ZNF493: variants seen among roughly 807,000 people sequenced by gnomAD.
ZNF493 encodes zinc finger protein 493.
A neutral mutation model predicts 12.2 loss-of-function variants in ZNF493; 11 were observed. The ratio of observed to expected loss-of-function variants is 0.90; its 90% CI spans 0.57 to 1.50. The LOEUF (loss-of-function observed/expected upper bound fraction) is 1.50. Among genes scored for constraint, ZNF493 ranks in the 40% most tolerant of loss-of-function variants. The pLI is 0.00. For missense variants in ZNF493, 950 were observed against 906.6 expected (o/e 1.05, Z -0.61); for synonymous variants, 286 against 302.6 (o/e 0.95, Z 0.57).
chr19:21,408,511 A>C, intron 3 of ZNF493: 1 of 983,906 alleles, frequency 1.0e-6, no homozygotes, highest in Non-Finnish European at 1.2e-6. Context: ...CTGAAATTTT[A>C]CTGCCAATTT....
Position 21,423,472 on chromosome 19 carries a change from C to T in ZNF493, c.813C>T (p.Gly271=). The T allele has an allele frequency of 1.9e-6, 3 of 1,613,590 alleles. No individual in the cohort carries two copies. Among genetic ancestry groups the T allele is most frequent in the East Asian group, 4.5e-5 (2 of 44,780 alleles). Reference sequence around the variant, plus strand: ...AACCCTACAAATGTGAAGAATGTGGCACATCTTTCTACCAATTCTCATACC... The same window carrying T: ...AACCCTACAAATGTGAAGAATGTGGTACATCTTTCTACCAATTCTCATACC... ...GQKPYKCEEC[G]TSFYQFSYLT... is the part of the protein sequence containing the mutation. Residue 271 remains glycine (G), a synonymous_variant, in exon 4 of 4, where the codon GGC becomes GGT. Transcript: ENST00000392288.
intron 3 of ZNF493, among the ~76,000 whole-genome samples, chr19:21,411,458 A>G (rs752850748): frequency 7.9e-5 from 12 of 152,092 alleles, no homozygotes; most frequent in Non-Finnish European, 1.6e-4. Context: ...GCTGTCTCAC[A>G]CCTGTAATCC....
Position 21,425,210 on chromosome 19 carries a change from C to A in ZNF493, c.*226C>A. 2 of 606,986 alleles carry A rather than the reference C, an allele frequency of 3.3e-6. No individual in the cohort carries two copies. Among genetic ancestry groups the A allele is most frequent in the Non-Finnish European group, 5.9e-6 (2 of 336,334 alleles). 37.6% of individuals were successfully genotyped at this position (606,986 alleles called of 1,614,324 possible). A position where few individuals can be genotyped will look rare whatever the true frequency, so the allele number is the denominator to read the frequency against. On this transcript the variant is annotated 3_prime_UTR_variant, in exon 4 of 4. Transcript: ENST00000392288. ...ACAGATGTGAAGAATGTGGCAAAGG[C>A]TTTAATTAGTTCTCATCCCTTACTA...
chr19:21,407,566 G>A lies in ZNF493; in HGVS notation c.253+1710G>A. 8.6e-6 allele frequency: 8 copies of A among 932,506 alleles called. 1 individual carries two copies. The highest frequency in any genetic ancestry group is 1.0e-5 in the Non-Finnish European group (8 of 782,038). The allele number at this position is 932,506 out of a possible 1,614,324, so 57.8% of individuals were successfully genotyped here. On this transcript the variant is annotated intron_variant, in intron 3 of 3. Coordinates refer to ENST00000392288, the MANE Select transcript of ZNF493 (RefSeq NM_001076678.3). ...AGTCTCCCAAAGTGCTGGTATTACA[G>A]GCGTGAGCCACCATGCCCAGCCTAA...
intron 2 of ZNF493, 176 bp from the exon 3 acceptor site, chr19:21,405,585 T>G: frequency 8.8e-7 from 1 of 1,129,980 alleles, no homozygotes; most frequent in Non-Finnish European, 1.2e-6. Context: ...GGTGGCAAAA[T>G]TAAGCACCTA....
intron 3 of ZNF493, among the ~76,000 whole-genome samples, chr19:21,422,551 C>T (rs2030712557): frequency 1.3e-5 from 2 of 151,234 alleles, no homozygotes; most frequent in South Asian, 2.1e-4. Context: ...GTACCTTAGC[C>T]TCCCAAGTAG....
At chr19:21,408,203 A>G in intron 3 of ZNF493, 1 of 920,298 alleles carries the variant, frequency 1.1e-6, no homozygotes, top group Non-Finnish European at 1.3e-6. Flanking sequence ...TCAGCTCATC[A>G]AAACTTTTGC....
chr19:21,403,544 G>A (rs2030017224), intron 1 of ZNF493, among the ~76,000 whole-genome samples: 1 of 152,192 alleles, frequency 6.6e-6, no homozygotes. Flanking sequence ...AGGCTAGCAG[G>A]TAAATAGGTG....
Position 21,424,928 on chromosome 19 carries a change from A to G in ZNF493, c.2269A>G (p.Ser757Gly). The change falls in exon 4 of 4, where the codon AGT becomes GGT. Residue 757 changes from serine (S) to glycine (G), a missense_variant. Ser to Gly is a moderately conservative substitution (Grantham distance 56, BLOSUM62 0). Transcript: ENST00000392288. ...GKAFRRSSHLSRHKIIHIGIH... is the reference protein window; with the variant it reads ...GKAFRRSSHLGRHKIIHIGIH... ...AGCTTTTAGGCGGTCTTCACATCTTAGTAGACATAAGATAATTCATATTGG... is the reference window on the plus strand; with the variant it reads ...AGCTTTTAGGCGGTCTTCACATCTTGGTAGACATAAGATAATTCATATTGG... The G allele has an allele frequency of 6.2e-7, 1 of 1,609,634 alleles. No individual in the cohort carries two copies. Among genetic ancestry groups the G allele is most frequent in the Non-Finnish European group, 8.5e-7 (1 of 1,178,072 alleles).
rs1038577807 is a variant in ZNF493 at position 21,402,086 on chromosome 19, G to T, written c.31-3043G>T. Among the ~76,000 whole-genome samples, 3 of 152,082 alleles carry T rather than the reference G, an allele frequency of 2.0e-5. No homozygotes were observed. The East Asian group carries it at 5.8e-4, about 29-fold the overall frequency. On this transcript the variant is annotated intron_variant, in intron 1 of 3. Coordinates refer to ENST00000392288, the MANE Select transcript of ZNF493 (RefSeq NM_001076678.3). ...GGGTTCATGCCATTCTCCTGCCTCA[G>T]CCTCCCGAGTAGCTGGGACTACAGG...
At chr19:21,403,536 G>A (rs2030016868) in intron 1 of ZNF493, among the ~76,000 whole-genome samples, 1 of 152,050 alleles carries the variant, frequency 6.6e-6, no homozygotes, top group South Asian at 2.1e-4. Flanking sequence ...TGGTTGTGAG[G>A]CTAGCAGGTA....
At chr19:21,409,109 C>T (rs1470990328) in intron 3 of ZNF493, among the ~76,000 whole-genome samples, 1 of 152,026 alleles carries the variant, frequency 6.6e-6, no homozygotes, top group African/African-American at 2.4e-5. Context: ...TGGTCTCGAT[C>T]TCCTGACCTC....
chr19:21,402,884 T>C (rs1159760614), intron 1 of ZNF493, among the ~76,000 whole-genome samples: 1 of 152,176 alleles, frequency 6.6e-6, no homozygotes, highest in East Asian at 1.9e-4. Context: ...TAAATTGTAA[T>C]AATGGAGTAG....
chr19:21,425,889 C>G lies in ZNF493; in HGVS notation c.*905C>G, dbSNP rs759044011. On this transcript the variant is annotated 3_prime_UTR_variant, in exon 4 of 4. Transcript: ENST00000392288. ...AATGTGGCAAAGCTTTTAACCAGTC[C>G]TCAAACTTTATTGAACAAAATAATT... is the stretch of plus-strand genomic sequence containing the variant. 3 of 609,858 alleles carry G rather than the reference C, an allele frequency of 4.9e-6. No individual in the cohort carries two copies. The highest frequency in any genetic ancestry group is 9.1e-6 in the Non-Finnish European group (3 of 328,876). The allele number at this position is 609,858 out of a possible 1,614,324, so 37.8% of individuals were successfully genotyped here.
At chr19:21,417,730 T>C (rs1303771367) in intron 3 of ZNF493, among the ~76,000 whole-genome samples, 4 of 152,180 alleles carry the variant, frequency 2.6e-5, no homozygotes, top group Non-Finnish European at 5.9e-5. Flanking sequence ...TGAGTTATAT[T>C]AATTTGAGGA....
At chr19:21,403,777 A>G (rs1434436375) in intron 1 of ZNF493, among the ~76,000 whole-genome samples, 1 of 151,978 alleles carries the variant, frequency 6.6e-6, no homozygotes, top group Non-Finnish European at 1.5e-5. Flanking sequence ...TCCCCTAATG[A>G]GTTTGTTTTA....
At chr19:21,400,457 A>G (rs950458831) in intron 1 of ZNF493, among the ~76,000 whole-genome samples, 1 of 152,128 alleles carries the variant, frequency 6.6e-6, no homozygotes, top group African/African-American at 2.4e-5. Flanking sequence ...GTATGTGAAC[A>G]CTGTGTTTCA....
In ZNF493 at chr19:21,424,286, A is replaced by G. The variant is rs2145313762; in HGVS notation, c.1627A>G (p.Lys543Glu). The change falls in exon 4 of 4, where the codon AAA becomes GAA. Residue 543 changes from lysine to glutamate, a missense_variant. Transcript: ENST00000392288. ...ACATAAAATGATTCACACTGGAGAA[A>G]AACCCTACAAATGTGAAGAATGTGG... ...TIHKMIHTGEKPYKCEECGKA... is the reference protein window; with the variant it reads ...TIHKMIHTGEEPYKCEECGKA... 6 of 1,613,698 alleles carry G rather than the reference A, an allele frequency of 3.7e-6. No individual in the cohort carries two copies. The East Asian group carries it at 6.7e-5, about 18-fold the overall frequency.
Position 21,426,960 on chromosome 19 carries a change from G to GA in ZNF493, c.*1982dup, listed in dbSNP as rs771364700. On this transcript the variant is annotated 3_prime_UTR_variant, in exon 4 of 4. Coordinates refer to ENST00000392288, the MANE Select transcript of ZNF493 (RefSeq NM_001076678.3). ...ATATTCGGATTATACTTTGTTTCTT[G>GA]AAAAAATTACAGATTTTTTGAAAAG... 2 of 166,836 alleles carry GA rather than the reference G, an allele frequency of 1.2e-5. No homozygotes were observed. The highest frequency in any genetic ancestry group is 4.8e-5 in the African/African-American group (2 of 41,416). The allele number at this position is 166,836 out of a possible 1,614,324, so 10.3% of individuals were successfully genotyped here.
Sources: gnomAD v4.1 joint callset for allele counts (sites outside exome capture counted in the v4.1 genomes callset) on GRCh38, gnomAD v4.1.1 for gene constraint, MANE v1.5 for transcripts, NCBI Gene and HGNC (gene_info 2026-07-23, HGNC 2026-07-21) for gene names.